The following FBXO15 variants were observed in gnomAD, a reference collection of about 807,000 sequenced individuals.
FBXO15 encodes F-box protein 15.
Under a neutral mutation model 49.5 loss-of-function variants are expected in FBXO15, and 30 were observed. The observed-to-expected ratio is 0.61, with a 90% confidence interval of 0.45 to 0.82. The LOEUF is 0.82. FBXO15 is among the 40% of genes least tolerant of loss of function. The probability of loss-of-function intolerance (pLI) is 0.00; values close to 1 mark genes in which losing one functional copy is unlikely to be tolerated. For synonymous variants in FBXO15, 250 were observed against 232.7 expected, an observed-to-expected ratio of 1.07 and a Z score of -0.68; for missense variants, 591 against 631.5, an observed-to-expected ratio of 0.94 and a Z score of 0.69.
chr18:74,081,898 T>A (rs1347980684), intron 9 of FBXO15, 29 bp downstream of exon 9: 8 of 1,527,060 alleles, frequency 5.2e-6, no homozygotes, highest in South Asian at 1.3e-5. Flanking sequence ...TCAAGTTACT[T>A]GAAGAAAAGA....
chr18:74,100,307 C>T (rs1913457374), intron 8 of FBXO15, among the ~76,000 whole-genome samples: 1 of 152,152 alleles, frequency 6.6e-6, no homozygotes, highest in Admixed American at 6.5e-5. Context: ...TAACCTGCTC[C>T]TGAGTGAGCA....
intron 8 of FBXO15, among the ~76,000 whole-genome samples, chr18:74,112,339 G>A (rs1914063261): frequency 1.3e-5 from 2 of 152,162 alleles, no homozygotes; most frequent in Non-Finnish European, 2.9e-5. Flanking sequence ...TGTATATTGT[G>A]ATCAAGTAGA....
At chr18:74,088,740 G>T (rs1316171071) in intron 8 of FBXO15, among the ~76,000 whole-genome samples, 1 of 152,186 alleles carries the variant, frequency 6.6e-6, no homozygotes, top group African/African-American at 2.4e-5. Context: ...ATTCTGTGGA[G>T]AATGTCATTG....
In FBXO15 at chr18:74,144,943, G is replaced by A. The variant is rs574558877; in HGVS notation, c.116+2727C>T. ...CCAGTGAAATAAAGTCACCTGTTTT[G>A]TAAACATATATGCATATAAAATATA... On this transcript the variant is annotated intron_variant, in intron 1 of 9. Transcript: ENST00000419743. Among the ~76,000 whole-genome samples the A allele has an allele frequency of 3.9e-5, 6 of 152,308 alleles. No individual in the cohort carries two copies. The South Asian group carries it at 1.2e-3, about 32-fold the overall frequency.
chr18:74,143,809 T>C (rs1979235022), intron 1 of FBXO15, among the ~76,000 whole-genome samples: 1 of 152,208 alleles, frequency 6.6e-6, no homozygotes, highest in Non-Finnish European at 1.5e-5. Flanking sequence ...CACTGAGACC[T>C]TCCTTGGCTG....
Position 74,073,430 on chromosome 18 carries a change from C to T in FBXO15, c.*31G>A. Reference sequence around the variant, plus strand: ...AACAAAGCCAGTCAAAAATAAACAACTAAATAACAACAATAATTTGCCACC... The same window carrying T: ...AACAAAGCCAGTCAAAAATAAACAATTAAATAACAACAATAATTTGCCACC... On this transcript the variant is annotated 3_prime_UTR_variant, in exon 10 of 10. Transcript: ENST00000419743. 1.3e-6 allele frequency: 2 copies of T among 1,595,564 alleles called. No homozygotes were observed. Among genetic ancestry groups the T allele is most frequent in the Non-Finnish European group, 1.7e-6 (2 of 1,170,658 alleles).
intron 8 of FBXO15, among the ~76,000 whole-genome samples, chr18:74,110,194 C>CATATAT (rs58739905): frequency 0.053 from 7,562 of 143,394 alleles, 371 homozygotes; most frequent in African/African-American, 0.12. Flanking sequence ...CATATGTGTG[C>CATATAT]ATATATATAT....
intron 8 of FBXO15, among the ~76,000 whole-genome samples, chr18:74,113,603 G>C (rs1300253107): frequency 7.2e-5 from 11 of 152,098 alleles, no homozygotes; most frequent in Admixed American, 6.6e-5. Context: ...AAAAAGTACA[G>C]TCTATTTTTA....
chr18:74,140,691 G>A (rs1366579530), intron 1 of FBXO15: 2 of 210,436 alleles, frequency 9.5e-6, no homozygotes, highest in Non-Finnish European at 1.9e-5. Context: ...AACCTTTAGT[G>A]TCCTGGTAAG....
At chr18:74,104,659 G>C (rs1274813918) in intron 8 of FBXO15, among the ~76,000 whole-genome samples, 1 of 152,060 alleles carries the variant, frequency 6.6e-6, no homozygotes, top group East Asian at 1.9e-4. Context: ...TACAAATCAG[G>C]ATAAAATAGA....
intron 1 of FBXO15, among the ~76,000 whole-genome samples, chr18:74,142,095 G>A (rs1979114252): frequency 6.6e-6 from 1 of 152,168 alleles, no homozygotes; most frequent in African/African-American, 2.4e-5. Context: ...GGCTCCACAT[G>A]CCTTTCCATC....
intron 9 of FBXO15, among the ~76,000 whole-genome samples, chr18:74,079,991 C>T (rs1912422749): frequency 6.6e-6 from 1 of 152,216 alleles, no homozygotes; most frequent in Admixed American, 6.5e-5. Flanking sequence ...CTCTGACAGG[C>T]ATCGTAAACT....
chr18:74,097,324 G>A (rs1043878356), intron 8 of FBXO15: 6 of 151,700 alleles, frequency 4.0e-5, no homozygotes, highest in African/African-American at 1.5e-4. Context: ...TTGAGAGGCA[G>A]GTAGGCTGGG....
rs1285900957 is a variant in FBXO15 at position 74,135,743 on chromosome 18, G to A, written c.332+19C>T. On this transcript the variant is annotated intron_variant, in intron 3 of 9. Coordinates refer to ENST00000419743, the MANE Select transcript of FBXO15 (RefSeq NM_001142958.2). ...CAAACTGTCATCAAAACATAACAGA[G>A]ACTTGGATTTCTGCTTACTTGTCAT... 3.2e-6 allele frequency: 5 copies of A among 1,572,068 alleles called. No homozygotes were observed. The highest frequency in any genetic ancestry group is 4.3e-6 in the Non-Finnish European group (5 of 1,159,778).
chr18:74,124,642 G>C, intron 6 of FBXO15, 71 bp from the exon 7 acceptor site: 1 of 1,299,964 alleles, frequency 7.7e-7, no homozygotes, highest in Non-Finnish European at 1.1e-6. Context: ...TCATTGTGAA[G>C]ATCACAGCAC....
intron 8 of FBXO15, among the ~76,000 whole-genome samples, chr18:74,088,320 A>T (rs2187373): frequency 0.26 from 40,123 of 151,896 alleles, 7,791 homozygotes; most frequent in African/African-American, 0.54. Flanking sequence ...TCTTCCAGGG[A>T]TTTTATAGTT....
intron 8 of FBXO15, chr18:74,098,774 G>A (rs1309799944): frequency 2.0e-5 from 3 of 152,158 alleles, no homozygotes; most frequent in African/African-American, 7.2e-5. Context: ...GAACACCTGG[G>A]AGATTCATCA....
chr18:74,117,591 T>C (rs1914285227), intron 8 of FBXO15, among the ~76,000 whole-genome samples: 1 of 152,162 alleles, frequency 6.6e-6, no homozygotes, highest in African/African-American at 2.4e-5. Flanking sequence ...GAGTGCAGAC[T>C]GTGCCACCTA....
intron 8 of FBXO15, among the ~76,000 whole-genome samples, chr18:74,092,645 C>T (rs1421082643): frequency 2.0e-5 from 3 of 152,012 alleles, no homozygotes; most frequent in African/African-American, 7.2e-5. Flanking sequence ...TTTGTGGGGG[C>T]CAACGCTCAG....
Sources: gnomAD v4.1 joint callset for allele counts (sites outside exome capture counted in the v4.1 genomes callset) on GRCh38, gnomAD v4.1.1 for gene constraint, MANE v1.5 for transcripts, NCBI Gene and HGNC (gene_info 2026-07-23, HGNC 2026-07-21) for gene names.